Variants in CENPW observed in about 807,000 individuals in gnomAD.
CENPW encodes the protein cancer-up-regulated gene 2 protein.
A neutral mutation model predicts 11.1 loss-of-function variants in CENPW; 3 were observed. The observed-to-expected ratio is 0.27, with a 90% CI of 0.12 to 0.70. CENPW has a LOEUF of 0.70. Among genes scored for constraint, CENPW ranks in the 30% least tolerant of loss-of-function variants. CENPW has a pLI of 0.77. For synonymous variants in CENPW, 38 were observed against 42.0 expected, an observed-to-expected ratio of 0.91 and a Z score of 0.37; for missense variants, 100 against 105.6, an observed-to-expected ratio of 0.95 and a Z score of 0.23.
the CENPW span, among the ~76,000 whole-genome samples, chr6:126,419,669 T>C: frequency 4.3e-5 from 5 of 115,656 alleles, no homozygotes; most frequent in Non-Finnish European, 9.4e-5. Flanking sequence ...TGGGCTGAAA[T>C]CAAAGTGTTA....
chr6:126,360,995 T>C, the CENPW span, among the ~76,000 whole-genome samples: 3 of 152,196 alleles, frequency 2.0e-5, no homozygotes, highest in Non-Finnish European at 2.9e-5. Context: ...ATTCTGACTT[T>C]TTGAATTGCC....
intron 1 of CENPW, among the ~76,000 whole-genome samples, chr6:126,341,614 C>T (rs772878520): frequency 4.6e-5 from 7 of 152,204 alleles, no homozygotes; most frequent in Non-Finnish European, 8.8e-5. Flanking sequence ...GCAATACAGG[C>T]TGTCTTGTGC....
At position 126,340,346 on chromosome 6, in the gene CENPW, G is replaced by A; in HGVS notation, c.73G>A (p.Val25Ile). 1 of 1,614,162 alleles carries A rather than the reference G, an allele frequency of 6.2e-7. No homozygotes were observed. Residue 25 changes from valine to isoleucine, a missense_variant, in exon 1 of 3, where the codon GTC becomes ATC. Coordinates refer to ENST00000368328, the MANE Select transcript of CENPW (RefSeq NM_001012507.4). ...GGCTCCCCGTGGCTTTCTAAAGCGA[G>A]TCTTCAAGCGAAAGAAGCCTCAACT... ...RKAPRGFLKR[V>I]FKRKKPQLRL...
chr6:126,377,468 G>A, the CENPW span, among the ~76,000 whole-genome samples: 1 of 152,228 alleles, frequency 6.6e-6, no homozygotes, highest in Non-Finnish European at 1.5e-5. Context: ...TTTAAGATGT[G>A]ATTCTTAAAT....
At chr6:126,370,926 G>A in the CENPW span, among the ~76,000 whole-genome samples, 1 of 150,906 alleles carries the variant, frequency 6.6e-6, no homozygotes, top group Admixed American at 6.6e-5. Context: ...CTAATTTTTT[G>A]TGTGTGTGTG....
the CENPW span, among the ~76,000 whole-genome samples, chr6:126,445,234 A>C: frequency 6.6e-6 from 1 of 151,106 alleles, no homozygotes; most frequent in Non-Finnish European, 1.5e-5. Context: ...GCTTTCTCCC[A>C]TACAGGGGCT....
chr6:126,456,869 A>G, the CENPW span, among the ~76,000 whole-genome samples: 1 of 151,418 alleles, frequency 6.6e-6, no homozygotes, highest in Non-Finnish European at 1.5e-5. Flanking sequence ...AAACAACCCC[A>G]TTAAATATGG....
chr6:126,378,025 G>T, the CENPW span, among the ~76,000 whole-genome samples: 2 of 152,164 alleles, frequency 1.3e-5, no homozygotes, highest in Admixed American at 6.6e-5. Flanking sequence ...AGCAGGGGAC[G>T]CTCTCGCATC....
At chr6:126,465,476 C>G in the CENPW span, among the ~76,000 whole-genome samples, 4 of 151,988 alleles carry the variant, frequency 2.6e-5, no homozygotes, top group Non-Finnish European at 5.9e-5. Context: ...TTAGCATAAT[C>G]CCAATCAAAA....
chr6:126,400,944 G>T, the CENPW span, among the ~76,000 whole-genome samples: 2 of 151,880 alleles, frequency 1.3e-5, no homozygotes, highest in Admixed American at 6.6e-5. Flanking sequence ...ATCTGATATT[G>T]TCCAACTTTT....
the CENPW span, among the ~76,000 whole-genome samples, chr6:126,481,718 C>T: frequency 2.0e-5 from 3 of 152,028 alleles, no homozygotes; most frequent in African/African-American, 7.2e-5. Context: ...ATATTTAAAC[C>T]ATAGCATACA....
chr6:126,425,786 A>G, the CENPW span, among the ~76,000 whole-genome samples: 1 of 151,750 alleles, frequency 6.6e-6, no homozygotes, highest in South Asian at 2.1e-4. Context: ...AAGTTTGGTT[A>G]TCAAAGCTAG....
At chr6:126,400,288 A>G in the CENPW span, among the ~76,000 whole-genome samples, 2 of 152,066 alleles carry the variant, frequency 1.3e-5, no homozygotes, top group African/African-American at 4.8e-5. Context: ...AGTGGCTTCA[A>G]TTTACATTTT....
At chr6:126,411,986 C>CT in the CENPW span, among the ~76,000 whole-genome samples, 1 of 26,934 alleles carries the variant, frequency 3.7e-5, no homozygotes, top group South Asian at 1.5e-3. Flanking sequence ...TCCTTCCTTC[C>CT]TTCCCCCACT....
At chr6:126,350,968 T>C (rs915927201), downstream of CENPW, among the ~76,000 whole-genome samples, 1 of 151,986 alleles carries the variant, frequency 6.6e-6, no homozygotes, top group African/African-American at 2.4e-5. Flanking sequence ...CAAAATGTTA[T>C]TTTTCCTTCA....
chr6:126,392,982 T>C, the CENPW span, among the ~76,000 whole-genome samples: 1 of 152,108 alleles, frequency 6.6e-6, no homozygotes, highest in Middle Eastern at 3.4e-3. Flanking sequence ...TTGCTATTAG[T>C]CTGCTCAGGT....
the CENPW span, among the ~76,000 whole-genome samples, chr6:126,476,431 A>C: frequency 2.0e-5 from 3 of 151,990 alleles, no homozygotes; most frequent in Non-Finnish European, 4.4e-5. Context: ...AATCATGTTG[A>C]AAATCTTTTC....
the CENPW span, among the ~76,000 whole-genome samples, chr6:126,426,868 C>G: frequency 1.3e-5 from 2 of 152,146 alleles, no homozygotes; most frequent in African/African-American, 4.8e-5. Flanking sequence ...GTGACATCCG[C>G]AGTAAGTTTA....
the CENPW span, among the ~76,000 whole-genome samples, chr6:126,451,568 G>A: frequency 6.6e-6 from 1 of 151,038 alleles, no homozygotes; most frequent in Admixed American, 6.6e-5. Flanking sequence ...TGGTCCCCAA[G>A]CAAGCTTGTA....
Sources: allele counts gnomAD v4.1 joint callset (sites outside exome capture counted in the v4.1 genomes callset), GRCh38; gene constraint gnomAD v4.1.1; transcripts MANE v1.5; gene names NCBI Gene and HGNC (gene_info 2026-07-23, HGNC 2026-07-21).